Variants in ZNHIT3 observed in about 807,000 individuals in gnomAD.
ZNHIT3 encodes zinc finger HIT-type containing 3.
In ZNHIT3, 27 loss-of-function variants were observed where a neutral mutation model predicts 19.9. The ratio of observed to expected loss-of-function variants is 1.36; its 90% CI spans 1.00 to 1.87. The LOEUF (loss-of-function observed/expected upper bound fraction) is 1.87. ZNHIT3 is among the 40% of genes most tolerant of loss of function. The pLI is 0.00. For synonymous variants in ZNHIT3, 81 were observed against 65.7 expected, an observed-to-expected ratio of 1.23 and a Z score of -1.13; for missense variants, 215 against 185.6, an observed-to-expected ratio of 1.16 and a Z score of -0.92.
intron 4 of ZNHIT3, among the ~76,000 whole-genome samples, chr17:36,494,932 GA>G (rs1327064996): frequency 6.6e-6 from 1 of 152,144 alleles, no homozygotes. Flanking sequence ...TATTTACAAA[GA>G]TACCAAGAAC....
chr17:36,495,634 G>A lies in ZNHIT3; in HGVS notation c.*230G>A. 1 of 1,288,436 alleles carries A rather than the reference G, an allele frequency of 7.8e-7. No individual in the cohort carries two copies. Among genetic ancestry groups the A allele is most frequent in the East Asian group, 2.9e-5 (1 of 34,004 alleles). The allele number at this position is 1,288,436 out of a possible 1,614,324, so 79.8% of individuals were successfully genotyped here. ...TGGAGAGAAAACTTGACATTCAGAT[G>A]ATTGTTTTTAAATGTTTTACTTTTG... On this transcript the variant is annotated 3_prime_UTR_variant, in exon 5 of 5. Transcript: ENST00000617429.
intron 2 of ZNHIT3, chr17:36,490,217 C>T (rs975489095): frequency 5.3e-5 from 8 of 152,086 alleles, no homozygotes; most frequent in African/African-American, 1.9e-4. Flanking sequence ...TCAGGTCTTA[C>T]ATTTAGGTCT....
downstream of ZNHIT3, chr17:36,496,314 CTGAT>C (rs756350687): frequency 2.5e-4 from 403 of 1,613,892 alleles, no homozygotes; most frequent in Non-Finnish European, 3.2e-4. Flanking sequence ...CCAGCAGAAT[CTGAT>C]TAAAGCCTGT....
At chr17:36,488,463 T>C (rs894795166) in intron 2 of ZNHIT3, among the ~76,000 whole-genome samples, 2 of 151,850 alleles carry the variant, frequency 1.3e-5, no homozygotes, top group South Asian at 2.1e-4. Context: ...GATAATTGCT[T>C]GAACCATGGA....
chr17:36,496,667 G>C (rs189612240), downstream of ZNHIT3, among the ~76,000 whole-genome samples: 6 of 152,282 alleles, frequency 3.9e-5, no homozygotes, highest in East Asian at 1.2e-3. Context: ...TTACCCTTCT[G>C]TTTAGCAGGC....
intron 3 of ZNHIT3, among the ~76,000 whole-genome samples, chr17:36,493,640 G>A (rs1567716643): frequency 6.6e-6 from 1 of 152,144 alleles, no homozygotes; most frequent in Non-Finnish European, 1.5e-5. Context: ...AGACAACCGG[G>A]GTCTAAGCCT....
downstream of ZNHIT3, chr17:36,498,477 G>A (rs1410864957): frequency 1.2e-6 from 2 of 1,613,974 alleles, no homozygotes; most frequent in African/African-American, 1.3e-5. Context: ...CAGCGGCGAG[G>A]TGCTCAGGGA....
downstream of ZNHIT3, chr17:36,499,207 T>C (rs754159333): frequency 6.8e-6 from 10 of 1,463,738 alleles, no homozygotes; most frequent in African/African-American, 1.1e-4. Context: ...AAGGGGCCAT[T>C]AGAGCTGTCA....
At position 36,495,430 on chromosome 17, in the gene ZNHIT3, A is replaced by G. The variant is rs369179611; in HGVS notation, c.*26A>G. On this transcript the variant is annotated 3_prime_UTR_variant, in exon 5 of 5. Transcript: ENST00000617429. ...GATGGATTATTGTGCTGCTTGCTCA[A>G]GCGTGTGCTTGACTCCTGGAACCTG... 17 of 1,555,918 alleles carry G rather than the reference A, an allele frequency of 1.1e-5. No individual in the cohort carries two copies. In the African/African-American group the frequency reaches 1.9e-4, roughly 18 times the overall value.
downstream of ZNHIT3, chr17:36,499,030 C>G (rs1313552689): frequency 6.6e-7 from 1 of 1,504,032 alleles, no homozygotes; most frequent in Non-Finnish European, 9.1e-7. Flanking sequence ...ATCTGGTCCC[C>G]AAAATTGATC....
At chr17:36,486,817 C>T (rs746932496) in intron 1 of ZNHIT3, 32 bp downstream of exon 1, 4 of 1,239,426 alleles carry the variant, frequency 3.2e-6, no homozygotes, top group Middle Eastern at 2.2e-4. Context: ...TCCAGGGGCG[C>T]GGGTGTCCGG....
At position 36,495,700 on chromosome 17, in the gene ZNHIT3, T is replaced by G; in HGVS notation, c.*296T>G. 4 of 1,257,642 alleles carry G rather than the reference T, an allele frequency of 3.2e-6. No individual in the cohort carries two copies. Among genetic ancestry groups the G allele is most frequent in the Non-Finnish European group, 4.0e-6 (4 of 1,003,260 alleles). The allele number at this position is 1,257,642 out of a possible 1,614,324, so 77.9% of individuals were successfully genotyped here. A position where few individuals can be genotyped will look rare whatever the true frequency, so the allele number is the denominator to read the frequency against. On this transcript the variant is annotated 3_prime_UTR_variant, in exon 5 of 5. Transcript: ENST00000617429. Reference sequence around the variant, plus strand: ...ATCATAAACGATATCAAGCTTACACTTCATATGGAGTTAAACTTGGTCAGT... The same window carrying G: ...ATCATAAACGATATCAAGCTTACACGTCATATGGAGTTAAACTTGGTCAGT...
In ZNHIT3 at chr17:36,495,761, G is replaced by A; in HGVS notation, c.*357G>A. The A allele has an allele frequency of 1.6e-6, 2 of 1,243,092 alleles. No homozygotes were observed. The highest frequency in any genetic ancestry group is 2.0e-6 in the Non-Finnish European group (2 of 994,410). 77.0% of individuals were successfully genotyped at this position (1,243,092 alleles called of 1,614,324 possible). Reference sequence around the variant, plus strand: ...TCAAAACGTGATTCTACTGTACATTGCATTATTCATAATTTAATTGTTTGA... The same window carrying A: ...TCAAAACGTGATTCTACTGTACATTACATTATTCATAATTTAATTGTTTGA... On this transcript the variant is annotated 3_prime_UTR_variant, in exon 5 of 5. Transcript: ENST00000617429.
intron 2 of ZNHIT3, 65 bp downstream of exon 2, chr17:36,487,031 G>A (rs1045205543): frequency 1.3e-6 from 2 of 1,590,272 alleles, no homozygotes; most frequent in Non-Finnish European, 1.7e-6. Flanking sequence ...TCCAGCCTCC[G>A]TCTTGGGGGC....
chr17:36,496,648 G>A (rs1317898878), downstream of ZNHIT3, among the ~76,000 whole-genome samples: 1 of 152,130 alleles, frequency 6.6e-6, no homozygotes, highest in African/African-American at 2.4e-5. Flanking sequence ...AGCCAGAAGG[G>A]CAAAACATTT....
Position 36,486,910 on chromosome 17 carries a change from C to G in ZNHIT3, c.87-25C>G, listed in dbSNP as rs1305030149. On this transcript the variant is annotated intron_variant, in intron 1 of 4. Transcript: ENST00000617429. ...GGGCCGGGGACCCTCGGGGCTGACG[C>G]GGCCTGTGGCCTCTGTTGTTACAGC... is the stretch of plus-strand genomic sequence containing the variant. 3.7e-6 allele frequency: 6 copies of G among 1,603,410 alleles called. No homozygotes were observed. The East Asian group carries it at 1.4e-4, about 37-fold the overall frequency.
chr17:36,489,883 G>C (rs2070686337), intron 2 of ZNHIT3: 1 of 151,610 alleles, frequency 6.6e-6, no homozygotes, highest in African/African-American at 2.4e-5. Flanking sequence ...GCCTCCCAAA[G>C]GGCTGGGATT....
intron 2 of ZNHIT3, among the ~76,000 whole-genome samples, chr17:36,487,621 CCG>C (rs1004618883): frequency 1.3e-4 from 20 of 151,164 alleles, no homozygotes; most frequent in African/African-American, 4.6e-4. Flanking sequence ...TGGTGAAACT[CCG>C]TCTCTACTAA....
chr17:36,486,914 C>T (rs1395981646), intron 1 of ZNHIT3, 21 bp from the exon 2 acceptor site: 21 of 1,606,410 alleles, frequency 1.3e-5, no homozygotes, highest in Non-Finnish European at 1.7e-5. Flanking sequence ...CTGACGCGGC[C>T]TGTGGCCTCT....
Sources: gnomAD v4.1 joint callset for allele counts (sites outside exome capture counted in the v4.1 genomes callset) on GRCh38, gnomAD v4.1.1 for gene constraint, MANE v1.5 for transcripts, NCBI Gene and HGNC (gene_info 2026-07-23, HGNC 2026-07-21) for gene names.